MGAT4D: variants seen among roughly 807,000 people sequenced by gnomAD.
MGAT4D encodes the protein MGAT4 family member D.
Under a neutral mutation model 15.9 loss-of-function variants are expected in MGAT4D, and 34 were observed. The ratio of observed to expected loss-of-function variants is 2.14; its 90% confidence interval spans 1.62 to 2.84. MGAT4D has a LOEUF of 2.84. Among genes scored for constraint, MGAT4D ranks in the 30% most tolerant of loss-of-function variants. MGAT4D has a pLI of 0.00. For missense variants in MGAT4D, 327 were observed against 140.2 expected, an observed-to-expected ratio of 2.33 and a Z score of -6.73; for synonymous variants, 112 against 48.2, an observed-to-expected ratio of 2.33 and a Z score of -5.49.
At chr4:140,461,878 TATAC>T (rs1197708513) in intron 7 of MGAT4D, 47 bp downstream of exon 7, 4 of 516,038 alleles carry the variant, frequency 7.8e-6, no homozygotes, top group African/African-American at 7.4e-5. Flanking sequence ...ATAATTGGTG[TATAC>T]ACACACACAC....
At chr4:140,476,446 T>C (rs1418563506) in intron 3 of MGAT4D, among the ~76,000 whole-genome samples, 1 of 152,220 alleles carries the variant, frequency 6.6e-6, no homozygotes, top group Non-Finnish European at 1.5e-5. Flanking sequence ...GATTTTCTAA[T>C]AGTTTATTGT....
At chr4:140,491,946 G>A (rs1476266194) in intron 1 of MGAT4D, among the ~76,000 whole-genome samples, 2 of 152,106 alleles carry the variant, frequency 1.3e-5, no homozygotes, top group Non-Finnish European at 2.9e-5. Context: ...TAGCCTCCAG[G>A]TCAAATGGTG....
chr4:140,486,331 T>C (rs571059959), intron 1 of MGAT4D, among the ~76,000 whole-genome samples: 112 of 152,326 alleles, frequency 7.4e-4, no homozygotes, highest in Non-Finnish European at 1.2e-3. Context: ...CTTTGTAAGA[T>C]AGCACAGCCG....
chr4:140,462,281 T>C (rs1731240554), intron 6 of MGAT4D, among the ~76,000 whole-genome samples: 1 of 152,182 alleles, frequency 6.6e-6, no homozygotes, highest in Non-Finnish European at 1.5e-5. Flanking sequence ...TTGATCTAGA[T>C]AATAGTGTTA....
In MGAT4D at chr4:140,464,745, G is replaced by A. The variant is rs1376671975; in HGVS notation, c.686+151C>T. The A allele has an allele frequency of 6.8e-6, 4 of 588,722 alleles. No individual in the cohort carries two copies. In the East Asian group the frequency reaches 1.1e-4, roughly 16 times the overall value. The allele number at this position is 588,722 out of a possible 1,614,324, so 36.5% of individuals were successfully genotyped here. A position where few individuals can be genotyped will look rare whatever the true frequency, so the allele number is the denominator to read the frequency against. ...CTCGATGTTATTGAATACAGAGTTG[G>A]GAAGTGATGCACATAGTTGGGTCTT... is the stretch of plus-strand genomic sequence containing the variant. On this transcript the variant is annotated intron_variant, in intron 6 of 10. Transcript: ENST00000511113.
chr4:140,466,916 A>C lies in MGAT4D; in HGVS notation c.573-1907T>G, dbSNP rs563878441. Reference sequence around the variant, plus strand: ...GAGCGAATATGGGTTTTAGACCTAGAAAAGTCTCTGTGCCAATTTTGCTTG... The same window carrying C: ...GAGCGAATATGGGTTTTAGACCTAGCAAAGTCTCTGTGCCAATTTTGCTTG... On this transcript the variant is annotated intron_variant, in intron 5 of 10. Transcript: ENST00000511113. 2.0e-5 allele frequency among the ~76,000 whole-genome samples: 3 copies of C among 152,276 alleles called. No individual in the cohort carries two copies. The South Asian group carries it at 6.2e-4, about 32-fold the overall frequency.
intron 1 of MGAT4D, among the ~76,000 whole-genome samples, chr4:140,490,501 C>T (rs1162241083): frequency 6.6e-6 from 1 of 152,152 alleles, no homozygotes; most frequent in Non-Finnish European, 1.5e-5. Context: ...CATACCTTAC[C>T]ATCAATGGCC....
rs540959910 is a variant in MGAT4D at position 140,491,151 on chromosome 4, T to G, written c.94+6978A>C. On this transcript the variant is annotated intron_variant, in intron 1 of 10. Coordinates refer to ENST00000511113, the MANE Select transcript of MGAT4D (RefSeq NM_001277353.2). The stretch of plus-strand genomic sequence containing the variant: ...AAATTCCACAGGACATTTCAATTAT[T>G]CTCTTGAATAACCCACATTTGGACC... 8.5e-5 allele frequency among the ~76,000 whole-genome samples: 13 copies of G among 152,338 alleles called. No individual in the cohort carries two copies. In the South Asian group the frequency reaches 2.7e-3, roughly 32 times the overall value.
rs949652378 is a variant in MGAT4D, at chr4:140,456,588, C to T, written c.1008+1G>A. 9.2e-6 allele frequency: 6 copies of T among 653,878 alleles called. No individual in the cohort carries two copies. Among genetic ancestry groups the T allele is most frequent in the Middle Eastern group, 2.4e-4 (1 of 4,130 alleles). The allele number at this position is 653,878 out of a possible 1,614,324, so 40.5% of individuals were successfully genotyped here. A position where few individuals can be genotyped will look rare whatever the true frequency, so the allele number is the denominator to read the frequency against. ...TTGGTATTCATAAAGTAAATACTCACAAGATCTTCTCCTGCGTCACACACC... is the reference window on the plus strand; with the variant it reads ...TTGGTATTCATAAAGTAAATACTCATAAGATCTTCTCCTGCGTCACACACC... On this transcript the variant is annotated splice_donor_variant, in intron 9 of 10. Transcript: ENST00000511113. LOFTEE classifies it high-confidence loss of function.
intron 1 of MGAT4D, among the ~76,000 whole-genome samples, chr4:140,494,594 T>C: frequency 6.6e-6 from 1 of 152,218 alleles, no homozygotes; most frequent in East Asian, 1.9e-4. Flanking sequence ...GGATCTCTAA[T>C]AAGCACTTCA....
Position 140,464,830 on chromosome 4 carries a change from G to A in MGAT4D, c.686+66C>T, listed in dbSNP as rs929076975. The stretch of plus-strand genomic sequence containing the variant: ...GTGTCTGAAATAGTTTCTAATATGA[G>A]CTGATTCCAAGATTTTATCAGATGA... On this transcript the variant is annotated intron_variant, in intron 6 of 10. Transcript: ENST00000511113. The A allele has an allele frequency of 1.4e-5, 10 of 691,200 alleles. No homozygotes were observed. In the African/African-American group the frequency reaches 1.8e-4, roughly 12 times the overall value. 42.8% of individuals were successfully genotyped at this position (691,200 alleles called of 1,614,324 possible). A position where few individuals can be genotyped will look rare whatever the true frequency, so the allele number is the denominator to read the frequency against.
chr4:140,477,579 T>C (rs910974667), intron 3 of MGAT4D, among the ~76,000 whole-genome samples: 1 of 152,358 alleles, frequency 6.6e-6, no homozygotes, highest in African/African-American at 2.4e-5. Context: ...ATATGAAGCT[T>C]GTCCTATCTG....
intron 1 of MGAT4D, among the ~76,000 whole-genome samples, chr4:140,485,960 C>A (rs1041964183): frequency 6.6e-6 from 1 of 151,744 alleles, no homozygotes; most frequent in African/African-American, 2.4e-5. Flanking sequence ...TAATTCCTCT[C>A]CCCTGCTCAA....
intron 10 of MGAT4D, among the ~76,000 whole-genome samples, chr4:140,448,079 T>C (rs1730247265): frequency 6.6e-6 from 1 of 152,234 alleles, no homozygotes; most frequent in African/African-American, 2.4e-5. Context: ...GGTCTACTGT[T>C]AGCCTGATGG....
rs779682295 is a variant in MGAT4D, at chr4:140,452,731, C to A, written c.1009-1214G>T. On this transcript the variant is annotated intron_variant, in intron 9 of 10. Transcript: ENST00000511113. ...GTGGTGTCTTATCCTCTTAACAGTACCTTTTGCAGCACAAAAATTTTTAAT... is the reference window on the plus strand; with the variant it reads ...GTGGTGTCTTATCCTCTTAACAGTAACTTTTGCAGCACAAAAATTTTTAAT... Among the ~76,000 whole-genome samples the A allele has an allele frequency of 5.9e-5, 9 of 152,150 alleles. No homozygotes were observed. In the East Asian group the frequency reaches 9.6e-4, roughly 16 times the overall value.
At chr4:140,486,717 T>C (rs1055043309) in intron 1 of MGAT4D, among the ~76,000 whole-genome samples, 8 of 152,244 alleles carry the variant, frequency 5.3e-5, no homozygotes, top group Non-Finnish European at 8.8e-5. Context: ...ATATGCTCGA[T>C]GAATAAATAA....
chr4:140,464,858 T>A (rs1221072006), intron 6 of MGAT4D, 38 bp downstream of exon 6: 1 of 699,776 alleles, frequency 1.4e-6, no homozygotes, highest in East Asian at 2.7e-5. Flanking sequence ...TCAGATGAAG[T>A]TAGTTATTTA....
intron 9 of MGAT4D, among the ~76,000 whole-genome samples, chr4:140,454,610 T>G (rs879944161): frequency 1.3e-5 from 2 of 152,196 alleles, no homozygotes; most frequent in Non-Finnish European, 2.9e-5. Flanking sequence ...AATGCCAGCT[T>G]CATGAAAAGA....
intron 8 of MGAT4D, chr4:140,457,090 C>T (rs1167575521): frequency 6.6e-6 from 1 of 152,382 alleles, no homozygotes; most frequent in African/African-American, 2.4e-5. Context: ...ATTTTTGTAG[C>T]ACTTTATCAA....
Sources: allele counts gnomAD v4.1 joint callset (sites outside exome capture counted in the v4.1 genomes callset), GRCh38; gene constraint gnomAD v4.1.1; transcripts MANE v1.5; gene names NCBI Gene and HGNC (gene_info 2026-07-23, HGNC 2026-07-21).